Variants in STARD9 observed in about 807,000 individuals in gnomAD.
STARD9 encodes the protein stAR-related lipid transfer protein 9.
STARD9 carries 346 observed loss-of-function variants against 399.8 expected under a neutral mutation model. The ratio of observed to expected loss-of-function variants is 0.87; its 90% CI spans 0.79 to 0.95. STARD9 has a LOEUF of 0.95. Ranked by LOEUF, STARD9 falls within the 40% of genes least tolerant of loss-of-function variation. The pLI is 0.00. For missense variants in STARD9, 5,832 were observed against 5,667.5 expected, an observed-to-expected ratio of 1.03 and a Z score of -0.93; for synonymous variants, 2,203 against 2,143.5, an observed-to-expected ratio of 1.03 and a Z score of -0.77.
At position 42,688,193 on chromosome 15, in the gene STARD9, A is replaced by G; in HGVS notation, c.6615A>G (p.Ala2205=). ...NTSLHPQRMK[A]LARALPLQPR... ...CTCTTCACCCACAGAGAATGAAAGC[A>G]TTGGCTAGAGCTCTGCCATTGCAAC... is the stretch of plus-strand genomic sequence containing the variant. The change falls in exon 23 of 33, where the codon GCA becomes GCG. Residue 2205 remains alanine (A), a synonymous_variant. Coordinates refer to ENST00000290607, the MANE Select transcript of STARD9 (RefSeq NM_020759.3). The G allele has an allele frequency of 6.5e-7, 1 of 1,537,456 alleles. No individual in the cohort carries two copies.
intron 7 of STARD9, among the ~76,000 whole-genome samples, chr15:42,647,471 C>G (rs1301453365): frequency 1.3e-5 from 2 of 152,070 alleles, no homozygotes; most frequent in African/African-American, 4.8e-5. Context: ...TCATTGAACA[C>G]TTTTTTCATT....
rs1366818740 is a variant in STARD9, at chr15:42,718,004, G to C, written c.13587G>C (p.Gln4529His). ...WNYQGEEQAV[Q>H]LYYKVFSPTR... ...ATCAGGGTGAGGAGCAGGCGGTGCA[G>C]CTTTACTACAAGGTGTTTTCTCCCA... The change falls in exon 30 of 33, where the codon CAG becomes CAC. Residue 4529 changes from glutamine to histidine, a missense_variant. Transcript: ENST00000290607. 6.5e-7 allele frequency: 1 copy of C among 1,537,098 alleles called. No homozygotes were observed. Among genetic ancestry groups the C allele is most frequent in the Admixed American group, 2.0e-5 (1 of 50,980 alleles).
At chr15:42,585,689 T>A (rs987320833) in intron 3 of STARD9, 52 bp downstream of exon 3, 18 of 1,128,194 alleles carry the variant, frequency 1.6e-5, no homozygotes, top group Non-Finnish European at 2.2e-5. Flanking sequence ...TTATGTATAA[T>A]ATTTAAGATG....
intron 3 of STARD9, among the ~76,000 whole-genome samples, chr15:42,603,450 G>A (rs2058668926): frequency 6.6e-6 from 1 of 152,068 alleles, no homozygotes; most frequent in Non-Finnish European, 1.5e-5. Flanking sequence ...CAGGTGTGGA[G>A]GTGAAGAGGA....
intron 3 of STARD9, among the ~76,000 whole-genome samples, chr15:42,614,823 G>A (rs1419199136): frequency 6.6e-6 from 1 of 151,896 alleles, no homozygotes; most frequent in African/African-American, 2.4e-5. Context: ...AAATTAGCCA[G>A]GCATGGTGGT....
At chr15:42,719,412 A>G in intron 32 of STARD9, 61 bp from the exon 33 acceptor site, 1 of 1,102,774 alleles carries the variant, frequency 9.1e-7, no homozygotes, top group Non-Finnish European at 1.3e-6. Flanking sequence ...ATGGGACTGG[A>G]GTACGCCTGG....
intron 3 of STARD9, among the ~76,000 whole-genome samples, chr15:42,626,433 TCTTC>T (rs918489603): frequency 6.6e-6 from 1 of 151,294 alleles, no homozygotes; most frequent in Non-Finnish European, 1.5e-5. Flanking sequence ...CTCTTCTTCT[TCTTC>T]CTTCTCCTCC....
intron 3 of STARD9, among the ~76,000 whole-genome samples, chr15:42,600,105 T>C (rs2058592265): frequency 6.6e-6 from 1 of 152,152 alleles, no homozygotes; most frequent in African/African-American, 2.4e-5. Context: ...TGCCCATCTT[T>C]CCAAGTGTTT....
chr15:42,586,073 C>G (rs2058272042), intron 3 of STARD9, among the ~76,000 whole-genome samples: 1 of 152,204 alleles, frequency 6.6e-6, no homozygotes. Context: ...TGGGAAAAGA[C>G]TGCTTGAACA....
chr15:42,638,158 T>G, intron 6 of STARD9, 71 bp downstream of exon 6: 19 of 1,347,088 alleles, frequency 1.4e-5, no homozygotes, highest in Non-Finnish European at 1.8e-5. Flanking sequence ...TGTTCAGCTG[T>G]CCTCTCTTTG....
At chr15:42,594,771 T>G (rs1394996151) in intron 3 of STARD9, among the ~76,000 whole-genome samples, 1 of 152,196 alleles carries the variant, frequency 6.6e-6, no homozygotes, top group Admixed American at 6.5e-5. Context: ...AATGTGCCAC[T>G]AGCAGAATCT....
chr15:42,686,415 G>A lies in STARD9; in HGVS notation c.4837G>A (p.Ala1613Thr), dbSNP rs768752872. 2.1e-5 allele frequency: 32 copies of A among 1,537,630 alleles called. No homozygotes were observed. In the South Asian group the frequency reaches 2.3e-4, roughly 11 times the overall value. The change falls in exon 23 of 33, where the codon GCG becomes ACG. Residue 1613 changes from alanine to threonine, a missense_variant. Coordinates refer to ENST00000290607, the MANE Select transcript of STARD9 (RefSeq NM_020759.3). ...TNAQVFATEN[A>T]IPDSMTEACE... is the part of the protein sequence containing the mutation. ...TGCACAGGTCTTTGCAACAGAGAAC[G>A]CGATACCAGATTCCATGACAGAAGC...
Position 42,688,188 on chromosome 15 carries a change from A to G in STARD9, c.6610A>G (p.Lys2204Glu). The change falls in exon 23 of 33, where the codon AAA becomes GAA. Residue 2204 changes from lysine to glutamate, a missense_variant. Lys to Glu is a moderately conservative substitution (Grantham distance 56). This residue lies in a region of STARD9 where 5,828 missense variants were observed against 5,651.1 expected (regional missense o/e 1.03). Coordinates refer to ENST00000290607, the MANE Select transcript of STARD9 (RefSeq NM_020759.3). ...CACTTCTCTTCACCCACAGAGAATG[A>G]AAGCATTGGCTAGAGCTCTGCCATT... ...TNTSLHPQRM[K>E]ALARALPLQP... 1 of 1,537,588 alleles carries G rather than the reference A, an allele frequency of 6.5e-7. No individual in the cohort carries two copies. Among genetic ancestry groups the G allele is most frequent in the Non-Finnish European group, 8.7e-7 (1 of 1,147,000 alleles).
chr15:42,626,846 A>C (rs1043256721), intron 3 of STARD9, among the ~76,000 whole-genome samples: 7 of 148,844 alleles, frequency 4.7e-5, no homozygotes, highest in African/African-American at 1.5e-4. Flanking sequence ...AGGGTTTTTG[A>C]TATCAGTTTT....
At chr15:42,644,539 T>A (rs1313853309) in intron 7 of STARD9, among the ~76,000 whole-genome samples, 5 of 152,166 alleles carry the variant, frequency 3.3e-5, no homozygotes, top group African/African-American at 1.2e-4. Context: ...ACTTTATTGC[T>A]AAAAAATGCT....
intron 3 of STARD9, among the ~76,000 whole-genome samples, chr15:42,598,461 G>A (rs2058560782): frequency 6.6e-6 from 1 of 151,038 alleles, no homozygotes; most frequent in Non-Finnish European, 1.5e-5. Flanking sequence ...TTCCTGGCAT[G>A]GTAATGAATT....
At chr15:42,716,444 C>T (rs180867650) in intron 26 of STARD9, among the ~76,000 whole-genome samples, 1 of 152,176 alleles carries the variant, frequency 6.6e-6, no homozygotes, top group Non-Finnish European at 1.5e-5. Context: ...CCTGTTGGAA[C>T]TCTCCTGTAA....
At chr15:42,643,573 C>T (rs761344257) in intron 7 of STARD9, among the ~76,000 whole-genome samples, 36 of 152,146 alleles carry the variant, frequency 2.4e-4, no homozygotes, top group Non-Finnish European at 3.8e-4. Context: ...TCACTGCAAC[C>T]TCTGCCTCCC....
rs75021400 is a variant in STARD9, at chr15:42,689,179, C to T, written c.7601C>T (p.Pro2534Leu). 4,470 of 1,537,268 alleles carry T rather than the reference C, an allele frequency of 2.9e-3. 122 individuals are homozygous for T. In the East Asian group the frequency reaches 0.068, roughly 23 times the overall value. Residue 2534 changes from proline (P) to leucine (L), a missense_variant, in exon 23 of 33, where the codon CCA becomes CTA. Pro to Leu is a moderately conservative substitution (Grantham distance 98). Coordinates refer to ENST00000290607, the MANE Select transcript of STARD9 (RefSeq NM_020759.3). Reference sequence around the variant, plus strand: ...GTTTCCCTGCCGAGGGTGCCCAGTCCAGAGCCTAGGCTGTTGGAGCCCTCT... The same window carrying T: ...GTTTCCCTGCCGAGGGTGCCCAGTCTAGAGCCTAGGCTGTTGGAGCCCTCT... ...APVSLPRVPSPEPRLLEPSDH... is the reference protein window; with the variant it reads ...APVSLPRVPSLEPRLLEPSDH...
Sources: allele counts gnomAD v4.1 joint callset (sites outside exome capture counted in the v4.1 genomes callset), GRCh38; gene constraint gnomAD v4.1.1; regional missense constraint gnomAD v4.1.1; transcripts MANE v1.5; gene names NCBI Gene and HGNC (gene_info 2026-07-23, HGNC 2026-07-21).